PTPN9: variants seen among roughly 807,000 people sequenced by gnomAD.
The protein encoded by PTPN9 is tyrosine-protein phosphatase non-receptor type 9.
A neutral mutation model predicts 69.8 loss-of-function variants in PTPN9; 26 were observed. The ratio of observed to expected loss-of-function variants is 0.37; its 90% CI spans 0.27 to 0.52. The LOEUF is 0.52. Among genes scored for constraint, PTPN9 ranks in the 20% least tolerant of loss-of-function variants. The pLI is 0.91. For missense variants in PTPN9, 549 were observed against 740.3 expected, an observed-to-expected ratio of 0.74 and a Z score of 3.00; for synonymous variants, 274 against 272.5, an observed-to-expected ratio of 1.01 and a Z score of -0.05.
chr15:75,473,588 C>A, intron 10 of PTPN9, 101 bp downstream of exon 10: 1 of 1,068,246 alleles, frequency 9.4e-7, no homozygotes, highest in South Asian at 1.4e-5. Context: ...CCGTGCCAGG[C>A]TGACCCTCAT....
chr15:75,501,402 C>A (rs2074771550), intron 7 of PTPN9, among the ~76,000 whole-genome samples: 1 of 151,514 alleles, frequency 6.6e-6, no homozygotes, highest in Non-Finnish European at 1.5e-5. Flanking sequence ...GAGGCTGGGA[C>A]CCACTAGGAT....
At chr15:75,530,205 A>G (rs1411931763) in intron 1 of PTPN9, among the ~76,000 whole-genome samples, 3 of 144,582 alleles carry the variant, frequency 2.1e-5, no homozygotes, top group African/African-American at 7.6e-5. Flanking sequence ...ATCTCAAAAA[A>G]AAAAAAAAAA....
chr15:75,468,997 G>T lies in PTPN9; in HGVS notation c.1568-14C>A, dbSNP rs367981211. 77 of 1,600,168 alleles carry T rather than the reference G, an allele frequency of 4.8e-5. No individual in the cohort carries two copies. Among genetic ancestry groups the T allele is most frequent in the Non-Finnish European group, 6.2e-5 (73 of 1,168,448 alleles). On this transcript the variant is annotated splice_polypyrimidine_tract_variant and intron_variant, in intron 12 of 12. Coordinates refer to ENST00000618819, the MANE Select transcript of PTPN9 (RefSeq NM_002833.4). ...AGCAGAAGGTACCTGAAGAAGGAAG[G>T]AAGTGATCACATCTGGTTTACCTCT...
At chr15:75,550,162 T>C (rs1053624501) in intron 1 of PTPN9, among the ~76,000 whole-genome samples, 1 of 149,056 alleles carries the variant, frequency 6.7e-6, no homozygotes, top group African/African-American at 2.4e-5. Context: ...TAAACCCCTG[T>C]GGTAGTTTTT....
chr15:75,500,370 C>CACACACACAT (rs765326855), intron 7 of PTPN9, among the ~76,000 whole-genome samples: 6 of 149,354 alleles, frequency 4.0e-5, no homozygotes, highest in Non-Finnish European at 8.9e-5. Context: ...CACACACACA[C>CACACACACAT]ATATATATAC....
intron 7 of PTPN9, among the ~76,000 whole-genome samples, chr15:75,498,721 A>T (rs1385952685): frequency 1.3e-5 from 2 of 152,172 alleles, no homozygotes; most frequent in Admixed American, 1.3e-4. Context: ...TCTTAAAAAA[A>T]TAAGTAAATA....
chr15:75,565,125 A>G (rs936307276), intron 1 of PTPN9, among the ~76,000 whole-genome samples: 1 of 146,090 alleles, frequency 6.8e-6, no homozygotes, highest in Non-Finnish European at 1.5e-5. Context: ...AATAATAATA[A>G]TAATAATAAT....
chr15:75,504,226 G>A (rs577070398), intron 7 of PTPN9, among the ~76,000 whole-genome samples: 2,121 of 131,892 alleles, frequency 0.016, 25 homozygotes, highest in Non-Finnish European at 0.025. Flanking sequence ...TCAGCCCCCC[G>A]CCCGGCCAGC....
intron 7 of PTPN9, among the ~76,000 whole-genome samples, chr15:75,504,076 G>A (rs1210817949): frequency 4.7e-5 from 6 of 128,678 alleles, no homozygotes; most frequent in African/African-American, 1.8e-4. Context: ...CGGGAGGGAG[G>A]TGGGGGGATC....
At chr15:75,551,689 T>C (rs1010456884) in intron 1 of PTPN9, among the ~76,000 whole-genome samples, 14 of 152,200 alleles carry the variant, frequency 9.2e-5, no homozygotes, top group Non-Finnish European at 1.6e-4. Flanking sequence ...GGAGGCTTAC[T>C]AGACCTCATC....
chr15:75,519,195 G>A (rs1034570485), intron 4 of PTPN9, among the ~76,000 whole-genome samples: 10 of 152,208 alleles, frequency 6.6e-5, no homozygotes, highest in African/African-American at 1.2e-4. Context: ...TGCAACCTCC[G>A]CCGCCCGGGT....
chr15:75,557,981 G>A (rs1255794300), intron 1 of PTPN9, among the ~76,000 whole-genome samples: 2 of 151,826 alleles, frequency 1.3e-5, no homozygotes, highest in African/African-American at 4.8e-5. Flanking sequence ...GATCACCAGA[G>A]GTCAGGAGTT....
rs1166057795 is a variant in PTPN9 at position 75,517,384 on chromosome 15, CA to C, written c.423-21del. 1 of 1,591,386 alleles carries C rather than the reference CA, an allele frequency of 6.3e-7. No homozygotes were observed. The highest frequency in any genetic ancestry group is 8.6e-7 in the Non-Finnish European group (1 of 1,162,054). On this transcript the variant is annotated intron_variant, in intron 4 of 12. Transcript: ENST00000618819. ...TCAAAGCTGTAAATCAACCATTGAACAAAAACATTTGTAAGTAAGCAGATGG... is the reference window on the plus strand; with the variant it reads ...TCAAAGCTGTAAATCAACCATTGAACAAAACATTTGTAAGTAAGCAGATGG...
intron 1 of PTPN9, among the ~76,000 whole-genome samples, chr15:75,547,794 T>TA (rs2075039975): frequency 6.6e-6 from 1 of 151,744 alleles, no homozygotes; most frequent in Non-Finnish European, 1.5e-5. Context: ...GCCTCCTGAG[T>TA]AGCTGGGATT....
intron 10 of PTPN9, 71 bp downstream of exon 10, chr15:75,473,618 T>G: frequency 7.7e-7 from 1 of 1,298,718 alleles, no homozygotes; most frequent in Non-Finnish European, 1.1e-6. Context: ...AAGCTAAACT[T>G]CCCTCTTTAA....
At chr15:75,479,547 T>C (rs2074616381) in intron 9 of PTPN9, among the ~76,000 whole-genome samples, 2 of 152,178 alleles carry the variant, frequency 1.3e-5, no homozygotes. Context: ...GGCTGATGCA[T>C]TCTGATGCCC....
At chr15:75,499,489 T>G (rs574648687) in intron 7 of PTPN9, among the ~76,000 whole-genome samples, 2 of 130,964 alleles carry the variant, frequency 1.5e-5, no homozygotes, top group African/African-American at 2.9e-5. Context: ...CACAGCAACC[T>G]CCGCCTCCTG....
intron 9 of PTPN9, among the ~76,000 whole-genome samples, chr15:75,474,534 T>G (rs1348845425): frequency 1.3e-5 from 2 of 151,840 alleles, no homozygotes; most frequent in Non-Finnish European, 2.9e-5. Flanking sequence ...AAAAAAAAAT[T>G]AGCTTTATCT....
chr15:75,485,418 G>A lies in PTPN9; in HGVS notation c.1062+4790C>T, dbSNP rs545639601. Among the ~76,000 whole-genome samples the A allele has an allele frequency of 3.8e-3, 562 of 146,610 alleles. 1 individual carries two copies. Among genetic ancestry groups the A allele is most frequent in the Middle Eastern group, 7.1e-3 (2 of 280 alleles). ...GCTCTGTTGCCCAGGCCGGACTGCGGACTGCAGTGGCGCAATCTCGGCTCA... is the reference window on the plus strand; with the variant it reads ...GCTCTGTTGCCCAGGCCGGACTGCGAACTGCAGTGGCGCAATCTCGGCTCA... On this transcript the variant is annotated intron_variant, in intron 8 of 12. Transcript: ENST00000618819.
Sources: gnomAD v4.1 joint callset for allele counts (sites outside exome capture counted in the v4.1 genomes callset) on GRCh38, gnomAD v4.1.1 for gene constraint, MANE v1.5 for transcripts, NCBI Gene and HGNC (gene_info 2026-07-23, HGNC 2026-07-21) for gene names.